Variants in SEC11C observed in about 807,000 individuals in gnomAD.
SEC11C encodes the protein signal peptidase complex catalytic subunit SEC11C.
A neutral mutation model predicts 21.9 loss-of-function variants in SEC11C; 10 were observed. That is an observed-to-expected ratio of 0.46 (90% CI 0.28 to 0.77). The LOEUF (loss-of-function observed/expected upper bound fraction) is 0.77, where lower values mean the gene tolerates loss of function less well. Ranked by LOEUF, SEC11C falls within the 30% of genes least tolerant of loss-of-function variation. SEC11C has a pLI of 0.12. For synonymous variants in SEC11C, 83 were observed against 85.6 expected (o/e 0.97, Z 0.17); for missense variants, 145 against 244.5 (o/e 0.59, Z 2.71).
intron 1 of SEC11C, among the ~76,000 whole-genome samples, chr18:59,146,653 T>G (rs190628670): frequency 8.7e-4 from 132 of 152,196 alleles, no homozygotes; most frequent in Non-Finnish European, 1.5e-3. Context: ...ACTATGTAGG[T>G]TGAGGACTGA....
At chr18:59,155,034 C>T (rs2069403788) in intron 3 of SEC11C, among the ~76,000 whole-genome samples, 1 of 152,200 alleles carries the variant, frequency 6.6e-6, no homozygotes, top group Admixed American at 6.5e-5. Flanking sequence ...CAAGGCACTC[C>T]AGCTTGGGTG....
chr18:59,146,307 AG>A (rs2069275745), intron 1 of SEC11C, among the ~76,000 whole-genome samples: 1 of 152,228 alleles, frequency 6.6e-6, no homozygotes, highest in African/African-American at 2.4e-5. Flanking sequence ...TAATACTGAA[AG>A]CTTTTGGAGA....
chr18:59,154,965 G>A (rs981169604), intron 3 of SEC11C, among the ~76,000 whole-genome samples: 7 of 152,082 alleles, frequency 4.6e-5, no homozygotes, highest in African/African-American at 1.2e-4. Context: ...ACTCAGAGAC[G>A]GAGGCAGGAT....
chr18:59,158,497 A>T, intron 5 of SEC11C, 135 bp from the exon 6 acceptor site: 1 of 697,680 alleles, frequency 1.4e-6, no homozygotes, highest in East Asian at 2.7e-5. Context: ...CATTTAGAGA[A>T]CAAGCCATGG....
At chr18:59,145,722 TCAAGCACCATATAA>T (rs2069266995) in intron 1 of SEC11C, among the ~76,000 whole-genome samples, 1 of 152,158 alleles carries the variant, frequency 6.6e-6, no homozygotes, top group Non-Finnish European at 1.5e-5. Context: ...ACCAGTACAG[TCAAGCACCATATAA>T]TGATGTTTCC....
At chr18:59,157,033 C>G (rs2069425435) in intron 4 of SEC11C, 1 of 152,560 alleles carries the variant, frequency 6.6e-6, no homozygotes, top group South Asian at 2.1e-4. Context: ...CATCTGATTA[C>G]ATATTGCTGT....
chr18:59,140,067 C>T (rs201112556), intron 1 of SEC11C, 32 bp downstream of exon 1: 26 of 1,541,520 alleles, frequency 1.7e-5, no homozygotes, highest in Non-Finnish European at 2.2e-5. Context: ...CGCGCCGTGG[C>T]CGGGACCGCC....
At chr18:59,158,579 A>C in intron 5 of SEC11C, 53 bp from the exon 6 acceptor site, 2 of 1,476,462 alleles carry the variant, frequency 1.4e-6, no homozygotes. Context: ...ACATTTACAG[A>C]CCAAATTTCT....
At chr18:59,147,766 C>T (rs2069294055) in intron 1 of SEC11C, 1 of 152,244 alleles carries the variant, frequency 6.6e-6, no homozygotes. Context: ...AGAGGCCTCA[C>T]CCTCCTCAGC....
intron 4 of SEC11C, chr18:59,157,342 A>T (rs541530567): frequency 3.0e-6 from 1 of 333,926 alleles, no homozygotes; most frequent in Non-Finnish European, 5.4e-6. Flanking sequence ...AAGCGGCTTA[A>T]CTATTTTAAT....
At position 59,152,584 on chromosome 18, in the gene SEC11C, A is replaced by G. The variant is rs750898492; in HGVS notation, c.246A>G (p.Thr82=). Reference sequence around the variant, plus strand: ...ACAGAGGAGACCTCCTGTTCCTCACAAATTTCCGGGAAGACCCAATCAGAG... The same window carrying G: ...ACAGAGGAGACCTCCTGTTCCTCACGAATTTCCGGGAAGACCCAATCAGAG... ...AFHRGDLLFL[T]NFREDPIRAG... Residue 82 remains threonine (T), a synonymous_variant, in exon 3 of 6, where the codon ACA becomes ACG. Coordinates refer to ENST00000587834, the MANE Select transcript of SEC11C (RefSeq NM_033280.4). The G allele has an allele frequency of 6.2e-7, 1 of 1,613,080 alleles. No homozygotes were observed. The highest frequency in any genetic ancestry group is 1.3e-5 in the African/African-American group (1 of 74,960).
intron 3 of SEC11C, 62 bp downstream of exon 3, chr18:59,152,747 T>G: frequency 7.1e-7 from 1 of 1,400,010 alleles, no homozygotes. Context: ...TCATGGCTAA[T>G]TAGAAACTAG....
At position 59,139,920 on chromosome 18, in the gene SEC11C, C is replaced by T; in HGVS notation, c.-29C>T. ...AGCCGTCTGTGCCACCCAGAGCCGG[C>T]GGGCCGCTAGGTCCCCGGAGACCCT... On this transcript the variant is annotated 5_prime_UTR_variant, in exon 1 of 6. Coordinates refer to ENST00000587834, the MANE Select transcript of SEC11C (RefSeq NM_033280.4). 6.7e-7 allele frequency: 1 copy of T among 1,489,152 alleles called. No homozygotes were observed. The highest frequency in any genetic ancestry group is 9.0e-7 in the Non-Finnish European group (1 of 1,112,638). The allele number at this position is 1,489,152 out of a possible 1,614,324, so 92.2% of individuals were successfully genotyped here.
chr18:59,149,587 C>T lies in SEC11C; in HGVS notation c.162C>T (p.Leu54=), dbSNP rs1331496748. Residue 54 remains leucine, a synonymous_variant, in exon 2 of 6, where the codon CTC becomes CTT. Coordinates refer to ENST00000587834, the MANE Select transcript of SEC11C (RefSeq NM_033280.4). Reference sequence around the variant, plus strand: ...TGATATGGAAAGGCTTGATCGTGCTCACAGGCAGTGAGAGCCCCATCGTGG... The same window carrying T: ...TGATATGGAAAGGCTTGATCGTGCTTACAGGCAGTGAGAGCCCCATCGTGG... ...ALMIWKGLIV[L]TGSESPIVVV... 6.2e-7 allele frequency: 1 copy of T among 1,612,912 alleles called. No homozygotes were observed. Among genetic ancestry groups the T allele is most frequent in the South Asian group, 1.1e-5 (1 of 90,996 alleles).
At chr18:59,157,756 A>C in intron 5 of SEC11C, 91 bp downstream of exon 5, 1 of 885,412 alleles carries the variant, frequency 1.1e-6, no homozygotes, top group Non-Finnish European at 1.9e-6. Flanking sequence ...TTCTTAAAAC[A>C]TGTTGCCATT....
At chr18:59,152,227 T>C (rs17065515) in intron 2 of SEC11C, among the ~76,000 whole-genome samples, 3,271 of 135,472 alleles carry the variant, frequency 0.024, 208 homozygotes, top group African/African-American at 0.097. Flanking sequence ...ACTATATTTG[T>C]AGATGCAGGA....
intron 1 of SEC11C, among the ~76,000 whole-genome samples, chr18:59,143,333 A>G (rs1440989383): frequency 1.5e-5 from 2 of 136,314 alleles, no homozygotes; most frequent in African/African-American, 6.0e-5. Flanking sequence ...AGTTTGGGCA[A>G]CAGAGTGAGA....
intron 1 of SEC11C, among the ~76,000 whole-genome samples, chr18:59,145,108 T>C (rs962081833): frequency 3.9e-5 from 6 of 152,256 alleles, no homozygotes; most frequent in Non-Finnish European, 5.9e-5. Flanking sequence ...TTAATTATGA[T>C]GCTGATGAAC....
chr18:59,142,626 T>C (rs1158799926), intron 1 of SEC11C, among the ~76,000 whole-genome samples: 2 of 152,224 alleles, frequency 1.3e-5, no homozygotes, highest in Non-Finnish European at 2.9e-5. Context: ...GTTGTTGTTG[T>C]TGGAATCTCA....
Sources: allele counts gnomAD v4.1 joint callset (sites outside exome capture counted in the v4.1 genomes callset), GRCh38; gene constraint gnomAD v4.1.1; transcripts MANE v1.5; gene names NCBI Gene and HGNC (gene_info 2026-07-23, HGNC 2026-07-21).